Variants in PDE10A observed in about 807,000 individuals in gnomAD.
PDE10A encodes the protein phosphodiesterase 10A.
PDE10A carries 39 observed loss-of-function variants against 97.7 expected under a neutral mutation model. The ratio of observed to expected loss-of-function variants is 0.40; its 90% confidence interval spans 0.31 to 0.52. The LOEUF (loss-of-function observed/expected upper bound fraction) is 0.52, where lower values mean the gene tolerates loss of function less well. PDE10A is among the 20% of genes least tolerant of loss of function. PDE10A has a pLI of 0.56. For synonymous variants in PDE10A, 371 were observed against 376.8 expected (o/e 0.98, Z 0.18); for missense variants, 731 against 1,047.8 (o/e 0.70, Z 4.17).
intron 1 of PDE10A, among the ~76,000 whole-genome samples, chr6:165,871,437 T>C (rs1781201868): frequency 6.6e-6 from 1 of 152,184 alleles, no homozygotes; most frequent in Non-Finnish European, 1.5e-5. Flanking sequence ...CGATGTGACC[T>C]GGTGAGGTGA....
At chr6:165,629,828 G>A (rs748585803) in intron 1 of PDE10A, among the ~76,000 whole-genome samples, 9 of 151,944 alleles carry the variant, frequency 5.9e-5, no homozygotes, top group Admixed American at 3.3e-4. Context: ...GCCACCACAC[G>A]CAGCCTTAAA....
chr6:165,674,390 C>T (rs1790735287), intron 1 of PDE10A, among the ~76,000 whole-genome samples: 1 of 151,888 alleles, frequency 6.6e-6, no homozygotes, highest in Admixed American at 6.6e-5. Flanking sequence ...AATTCTAGAT[C>T]CGCCACATCC....
At chr6:165,971,856 T>A (rs1478250766) in intron 1 of PDE10A, among the ~76,000 whole-genome samples, 1 of 152,164 alleles carries the variant, frequency 6.6e-6, no homozygotes, top group Non-Finnish European at 1.5e-5. Flanking sequence ...TTTTTACCTC[T>A]GTACCTATCA....
chr6:165,729,428 T>C (rs1583003887), intron 1 of PDE10A, among the ~76,000 whole-genome samples: 1 of 151,054 alleles, frequency 6.6e-6, no homozygotes, highest in South Asian at 2.1e-4. Context: ...GGAAATCTAT[T>C]TTTAAAAGGA....
chr6:165,650,250 T>C (rs1379549450), intron 1 of PDE10A, among the ~76,000 whole-genome samples: 1 of 152,196 alleles, frequency 6.6e-6, no homozygotes, highest in African/African-American at 2.4e-5. Flanking sequence ...TTGCTAATTC[T>C]GAAATTTAAT....
At chr6:165,375,494 G>T (rs1436934420) in intron 18 of PDE10A, among the ~76,000 whole-genome samples, 1 of 152,212 alleles carries the variant, frequency 6.6e-6, no homozygotes, top group African/African-American at 2.4e-5. Flanking sequence ...GCAGAGATTG[G>T]TTCGAGAGGT....
chr6:165,777,466 T>A (rs1778217746), intron 1 of PDE10A, among the ~76,000 whole-genome samples: 3 of 149,752 alleles, frequency 2.0e-5, no homozygotes, highest in Non-Finnish European at 4.4e-5. Context: ...ATTCCACACA[T>A]GTGAAAACAG....
intron 1 of PDE10A, among the ~76,000 whole-genome samples, chr6:165,693,268 C>T (rs193142227): frequency 5.3e-5 from 8 of 152,204 alleles, no homozygotes; most frequent in South Asian, 2.1e-4. Flanking sequence ...CGGTGGCTCA[C>T]GCCTGTAATC....
intron 1 of PDE10A, among the ~76,000 whole-genome samples, chr6:165,849,472 G>A (rs1780512969): frequency 6.6e-6 from 1 of 152,244 alleles, no homozygotes; most frequent in Non-Finnish European, 1.5e-5. Flanking sequence ...CCGCCCCTTG[G>A]GAGTAATTAT....
chr6:165,976,959 C>T (rs1004176331), intron 1 of PDE10A, among the ~76,000 whole-genome samples: 3 of 152,224 alleles, frequency 2.0e-5, no homozygotes, highest in African/African-American at 7.2e-5. Flanking sequence ...CAGCACACAT[C>T]GAAGCATTGT....
chr6:165,619,497 G>C (rs868654480), intron 1 of PDE10A, among the ~76,000 whole-genome samples: 1 of 31,162 alleles, frequency 3.2e-5, no homozygotes, highest in Non-Finnish European at 6.7e-5. Flanking sequence ...GTCTAGTGTA[G>C]TCTAGTGTAG....
chr6:165,336,261 A>G (rs1781640978), intron 20 of PDE10A, 50 bp from the exon 21 acceptor site: 6 of 1,154,524 alleles, frequency 5.2e-6, no homozygotes, highest in Non-Finnish European at 7.8e-6. Context: ...CACATTAGCA[A>G]TTCCAGTGAT....
chr6:165,420,945 C>CACAGATTTA (rs1166117081), intron 10 of PDE10A, among the ~76,000 whole-genome samples: 1 of 152,054 alleles, frequency 6.6e-6, no homozygotes, highest in Non-Finnish European at 1.5e-5. Flanking sequence ...AAAAGAAAAT[C>CACAGATTTA]ACAGATTTAC....
At chr6:165,658,736 T>TC (rs1273313505) in intron 1 of PDE10A, among the ~76,000 whole-genome samples, 2 of 152,244 alleles carry the variant, frequency 1.3e-5, no homozygotes, top group Non-Finnish European at 2.9e-5. Context: ...CAAGAGTTTT[T>TC]CCTACTCCGA....
chr6:165,563,128 T>C (rs573377968), intron 1 of PDE10A, among the ~76,000 whole-genome samples: 1 of 131,516 alleles, frequency 7.6e-6, no homozygotes, highest in Admixed American at 9.3e-5. Context: ...GTATGGCATA[T>C]AAGTTAAATA....
At chr6:165,534,189 A>G (rs1032636985) in intron 2 of PDE10A, among the ~76,000 whole-genome samples, 1 of 152,036 alleles carries the variant, frequency 6.6e-6, no homozygotes, top group African/African-American at 2.4e-5. Flanking sequence ...TGGAAAGTCT[A>G]AAAGAAACAG....
intron 1 of PDE10A, among the ~76,000 whole-genome samples, chr6:165,678,817 C>T (rs1014064565): frequency 1.3e-5 from 2 of 152,192 alleles, no homozygotes; most frequent in African/African-American, 4.8e-5. Context: ...TTCTTTTTAA[C>T]ATGTGGCAGA....
intron 1 of PDE10A, among the ~76,000 whole-genome samples, chr6:165,971,563 G>C (rs1784676107): frequency 1.3e-5 from 2 of 152,070 alleles, no homozygotes; most frequent in African/African-American, 4.8e-5. Flanking sequence ...TTTCTCTCTT[G>C]GTCCAAACTC....
At chr6:165,458,648 T>C (rs557815296) in intron 3 of PDE10A, among the ~76,000 whole-genome samples, 3 of 152,042 alleles carry the variant, frequency 2.0e-5, no homozygotes, top group East Asian at 3.9e-4. Flanking sequence ...AATCTTTCTC[T>C]CCACACATGG....
Sources: gnomAD v4.1 joint callset for allele counts (sites outside exome capture counted in the v4.1 genomes callset) on GRCh38, gnomAD v4.1.1 for gene constraint, MANE v1.5 for transcripts, NCBI Gene and HGNC (gene_info 2026-07-23, HGNC 2026-07-21) for gene names.